Variants in EPB41L5 observed in about 807,000 individuals in gnomAD.
EPB41L5 encodes the protein erythrocyte membrane protein band 4.1 like 5.
In EPB41L5, 55 loss-of-function variants were observed where a neutral mutation model predicts 106.6. The ratio of observed to expected loss-of-function variants is 0.52; its 90% CI spans 0.42 to 0.65. EPB41L5 has a LOEUF of 0.65. EPB41L5 is among the 30% of genes least tolerant of loss of function. EPB41L5 has a pLI of 0.00. For missense variants in EPB41L5, 871 were observed against 882.1 expected (o/e 0.99, Z 0.16); for synonymous variants, 297 against 306.7 (o/e 0.97, Z 0.33).
At chr2:120,145,383 A>G (rs988957694) in intron 19 of EPB41L5, among the ~76,000 whole-genome samples, 5 of 152,242 alleles carry the variant, frequency 3.3e-5, no homozygotes, top group Non-Finnish European at 7.3e-5. Flanking sequence ...GATTTGTACA[A>G]CAACATGAGT....
At chr2:120,169,057 A>G (rs1393843542) in intron 24 of EPB41L5, among the ~76,000 whole-genome samples, 1 of 152,228 alleles carries the variant, frequency 6.6e-6, no homozygotes, top group Admixed American at 6.5e-5. Context: ...CACATTAAAA[A>G]TTACAGATGA....
At chr2:120,111,804 C>T (rs767152994) in intron 16 of EPB41L5, among the ~76,000 whole-genome samples, 19 of 152,122 alleles carry the variant, frequency 1.2e-4, no homozygotes, top group Non-Finnish European at 2.5e-4. Flanking sequence ...CTGCCAGCGT[C>T]CTTGTCTCGG....
intron 4 of EPB41L5, among the ~76,000 whole-genome samples, chr2:120,073,722 T>G (rs1215127281): frequency 6.6e-6 from 1 of 152,180 alleles, no homozygotes; most frequent in Non-Finnish European, 1.5e-5. Flanking sequence ...CCACTGAGAT[T>G]ATAGAAGTTA....
At chr2:120,100,054 C>G (rs191430007) in intron 14 of EPB41L5, among the ~76,000 whole-genome samples, 190 bp from the exon 15 acceptor site, 2 of 152,212 alleles carry the variant, frequency 1.3e-5, no homozygotes, top group African/African-American at 4.8e-5. Flanking sequence ...AAGTATTTGC[C>G]TATAAGAACA....
In EPB41L5 at chr2:120,015,431, A is replaced by G. The variant is rs59902090; in HGVS notation, c.-9+2221A>G. ...CTCCCAAAGTGCTGGGATTACAGAC[A>G]TGAGCCACTGTACCCAGCCATATAT... On this transcript the variant is annotated intron_variant, in intron 1 of 24. Coordinates refer to ENST00000263713, the MANE Select transcript of EPB41L5 (RefSeq NM_020909.4). 2.2e-3 allele frequency among the ~76,000 whole-genome samples: 329 copies of G among 151,936 alleles called. 1 individual carries two copies. Among genetic ancestry groups the G allele is most frequent in the Admixed American group, 3.1e-3 (48 of 15,250 alleles).
At chr2:120,106,815 C>G (rs1684480234) in intron 16 of EPB41L5, 19 of 985,240 alleles carry the variant, frequency 1.9e-5, no homozygotes, top group Non-Finnish European at 2.2e-5. Context: ...AGGCGTTTAC[C>G]TATCTTGGAG....
chr2:120,107,199 A>G (rs1270006541), intron 16 of EPB41L5, among the ~76,000 whole-genome samples: 1 of 152,102 alleles, frequency 6.6e-6, no homozygotes, highest in South Asian at 2.1e-4. Context: ...ATCGTGCCCC[A>G]GTGGTGGGAG....
intron 16 of EPB41L5, among the ~76,000 whole-genome samples, chr2:120,117,581 A>G (rs928092033): frequency 2.0e-5 from 3 of 152,214 alleles, no homozygotes; most frequent in African/African-American, 7.2e-5. Context: ...ATCAAGAAAG[A>G]CTGGGATTTT....
At chr2:120,130,649 T>TA (rs1393529319) in intron 17 of EPB41L5, among the ~76,000 whole-genome samples, 1 of 152,226 alleles carries the variant, frequency 6.6e-6, no homozygotes, top group Non-Finnish European at 1.5e-5. Flanking sequence ...TGGTTGTACT[T>TA]AAAATCACCT....
chr2:120,061,512 C>T (rs1442617138), intron 3 of EPB41L5, among the ~76,000 whole-genome samples: 14 of 151,946 alleles, frequency 9.2e-5, no homozygotes, highest in East Asian at 3.9e-4. Context: ...CGTGAGCCAC[C>T]GCGCCCGGCC....
chr2:120,076,865 A>G, intron 7 of EPB41L5, 106 bp from the exon 8 acceptor site: 1 of 1,092,234 alleles, frequency 9.2e-7, no homozygotes. Context: ...GAATTTTTGT[A>G]AGAAATTCCT....
At chr2:120,017,707 A>T (rs1368065008) in intron 1 of EPB41L5, among the ~76,000 whole-genome samples, 1 of 152,220 alleles carries the variant, frequency 6.6e-6, no homozygotes, top group Non-Finnish European at 1.5e-5. Context: ...TATTTGACAA[A>T]ACTTAGGAAA....
rs1297809788 is a variant in EPB41L5 at position 120,165,980 on chromosome 2, A to C, written c.1962+1070A>C. 4.7e-5 allele frequency among the ~76,000 whole-genome samples: 7 copies of C among 149,868 alleles called. No individual in the cohort carries two copies. The South Asian group carries it at 1.0e-3, about 22-fold the overall frequency. ...GAGACTCCGTCTCAAAAAAAAAAAA[A>C]AAAAAAAAAAAAAACAGAAATGACT... On this transcript the variant is annotated intron_variant, in intron 22 of 24. Transcript: ENST00000263713.
At chr2:120,025,582 C>T (rs1004255121) in intron 2 of EPB41L5, among the ~76,000 whole-genome samples, 1 of 152,068 alleles carries the variant, frequency 6.6e-6, no homozygotes, top group South Asian at 2.1e-4. Flanking sequence ...TTTTATATAC[C>T]TACTTTCTTG....
At chr2:120,144,363 G>T (rs560564691) in intron 19 of EPB41L5, among the ~76,000 whole-genome samples, 2 of 152,142 alleles carry the variant, frequency 1.3e-5, no homozygotes, top group Non-Finnish European at 2.9e-5. Flanking sequence ...AGAACTGTGA[G>T]GAATAAATAT....
At position 120,166,944 on chromosome 2, in the gene EPB41L5, C is replaced by T. The variant is rs560085919; in HGVS notation, c.1963-522C>T. On this transcript the variant is annotated intron_variant, in intron 22 of 24. Coordinates refer to ENST00000263713, the MANE Select transcript of EPB41L5 (RefSeq NM_020909.4). ...AATAATGTATCAAAGGCCCTGTGAACCAGGAGCAATATGGGTGTTTTTATT... is the reference window on the plus strand; with the variant it reads ...AATAATGTATCAAAGGCCCTGTGAATCAGGAGCAATATGGGTGTTTTTATT... 7.2e-5 allele frequency among the ~76,000 whole-genome samples: 11 copies of T among 152,240 alleles called. 1 individual carries two copies. In the South Asian group the frequency reaches 2.3e-3, roughly 32 times the overall value.
rs569885043 is a variant in EPB41L5 at position 120,043,142 on chromosome 2, C to T, written c.285+1032C>T. On this transcript the variant is annotated intron_variant, in intron 3 of 24. Coordinates refer to ENST00000263713, the MANE Select transcript of EPB41L5 (RefSeq NM_020909.4). ...CTGTCATTTTTTCATGACAACCCTT[C>T]CCATCATGCCTCCAAATTAAGTAAC... Among the ~76,000 whole-genome samples the T allele has an allele frequency of 2.6e-5, 4 of 151,974 alleles. No individual in the cohort carries two copies. In the South Asian group the frequency reaches 6.2e-4, roughly 24 times the overall value.
At chr2:120,094,560 A>AT (rs951451874) in intron 14 of EPB41L5, among the ~76,000 whole-genome samples, 7 of 143,742 alleles carry the variant, frequency 4.9e-5, no homozygotes, top group African/African-American at 1.0e-4. Flanking sequence ...GGTTTCATTG[A>AT]TTTTTCTGTT....
intron 16 of EPB41L5, among the ~76,000 whole-genome samples, chr2:120,120,597 A>T (rs939437728): frequency 3.9e-5 from 6 of 152,024 alleles, no homozygotes; most frequent in South Asian, 2.1e-4. Context: ...TGCTTTTTTT[A>T]AAAAAAACCT....
Sources: gnomAD v4.1 joint callset for allele counts (sites outside exome capture counted in the v4.1 genomes callset) on GRCh38, gnomAD v4.1.1 for gene constraint, MANE v1.5 for transcripts, NCBI Gene and HGNC (gene_info 2026-07-23, HGNC 2026-07-21) for gene names.